The following NCAM1 variants were observed in gnomAD, a reference collection of about 807,000 sequenced individuals.
NCAM1 encodes neural cell adhesion molecule 1, also known as antigen recognized by monoclonal antibody 5.1H11.
A neutral mutation model predicts 109.8 loss-of-function variants in NCAM1; 14 were observed. The ratio of observed to expected loss-of-function variants is 0.13; its 90% CI spans 0.08 to 0.20. The LOEUF is 0.20. NCAM1 is among the 10% of genes least tolerant of loss of function. The probability of loss-of-function intolerance (pLI) is 1.00; values close to 1 mark genes in which losing one functional copy is unlikely to be tolerated. For missense variants in NCAM1, 774 were observed against 1,109.9 expected (o/e 0.70, Z 4.30); for synonymous variants, 418 against 442.9 (o/e 0.94, Z 0.70).
intron 1 of NCAM1, among the ~76,000 whole-genome samples, chr11:113,193,179 A>G (rs1327799409): frequency 2.0e-5 from 3 of 152,198 alleles, no homozygotes; most frequent in African/African-American, 7.2e-5. Context: ...CTCGTCTTCT[A>G]TGAGACTCTG....
chr11:113,020,420 C>T (rs886268204), intron 1 of NCAM1, among the ~76,000 whole-genome samples: 4 of 152,128 alleles, frequency 2.6e-5, no homozygotes, highest in Admixed American at 2.6e-4. Flanking sequence ...AGGCACCATT[C>T]GCTTCCCCAC....
chr11:113,194,520 A>G (rs184605060), intron 1 of NCAM1, among the ~76,000 whole-genome samples: 1 of 152,332 alleles, frequency 6.6e-6, no homozygotes, highest in Admixed American at 6.5e-5. Context: ...CTATGAGTGT[A>G]AAGAGCCCAA....
intron 14 of NCAM1, among the ~76,000 whole-genome samples, chr11:113,239,781 G>A (rs1451275540): frequency 6.6e-6 from 1 of 152,180 alleles, no homozygotes; most frequent in Non-Finnish European, 1.5e-5. Flanking sequence ...GATGAGTTAT[G>A]ATTCTTTGTT....
intron 1 of NCAM1, among the ~76,000 whole-genome samples, chr11:113,056,836 T>G (rs782589393): frequency 6.6e-6 from 1 of 152,194 alleles, no homozygotes; most frequent in Non-Finnish European, 1.5e-5. Context: ...GTTTTGTTTT[T>G]TTTTAAGCCA....
At chr11:113,105,367 GCATAA>G (rs1315419613) in intron 1 of NCAM1, among the ~76,000 whole-genome samples, 1 of 152,042 alleles carries the variant, frequency 6.6e-6, no homozygotes, top group Non-Finnish European at 1.5e-5. Context: ...CCTTTCATTG[GCATAA>G]CATAACATAT....
chr11:113,147,908 G>C (rs1244949694), intron 1 of NCAM1, among the ~76,000 whole-genome samples: 6 of 152,140 alleles, frequency 3.9e-5, no homozygotes, highest in African/African-American at 1.4e-4. Context: ...CACTACTCTA[G>C]GCTCCATATT....
chr11:112,972,703 A>G (rs10502161), intron 1 of NCAM1, among the ~76,000 whole-genome samples: 20,432 of 152,142 alleles, frequency 0.13, 1,413 homozygotes, highest in African/African-American at 0.14. Context: ...TTAAAAGTAT[A>G]AAGTAGGTGA....
intron 5 of NCAM1, 31 bp downstream of exon 5, chr11:113,206,211 C>T (rs1591416822): frequency 6.4e-7 from 1 of 1,572,994 alleles, no homozygotes; most frequent in Non-Finnish European, 8.6e-7. Context: ...CTGATCTCTG[C>T]ATTGCTACAA....
chr11:113,236,066 G>T (rs1945158882), intron 14 of NCAM1, among the ~76,000 whole-genome samples: 1 of 152,198 alleles, frequency 6.6e-6, no homozygotes, highest in South Asian at 2.1e-4. Flanking sequence ...TTTGAAGCCA[G>T]GGGCCTGCAA....
At position 113,275,577 on chromosome 11, in the gene NCAM1, T is replaced by C; in HGVS notation, c.*190T>C. ...CAGATAAAACATGGGAATCTCCTTT[T>C]TGTAGGTTTATAGAAAGGGTCCCTT... is the stretch of plus-strand genomic sequence containing the variant. On this transcript the variant is annotated 3_prime_UTR_variant, in exon 20 of 20. Transcript: ENST00000316851. 1 of 720,900 alleles carries C rather than the reference T, an allele frequency of 1.4e-6. No homozygotes were observed. Among genetic ancestry groups the C allele is most frequent in the Non-Finnish European group, 2.1e-6 (1 of 476,098 alleles). The allele number at this position is 720,900 out of a possible 1,614,324, so 44.7% of individuals were successfully genotyped here.
At chr11:113,068,696 A>G (rs1938103711) in intron 1 of NCAM1, among the ~76,000 whole-genome samples, 1 of 152,108 alleles carries the variant, frequency 6.6e-6, no homozygotes, top group African/African-American at 2.4e-5. Context: ...TAAACATTCT[A>G]CCAAAAGGAT....
At chr11:112,968,742 G>T (rs1950792659) in intron 1 of NCAM1, among the ~76,000 whole-genome samples, 1 of 152,214 alleles carries the variant, frequency 6.6e-6, no homozygotes, top group African/African-American at 2.4e-5. Context: ...AAGGGGGATT[G>T]GGTGGTTGGG....
chr11:113,219,275 A>G (rs199813304), intron 8 of NCAM1, among the ~76,000 whole-genome samples: 1 of 152,202 alleles, frequency 6.6e-6, no homozygotes, highest in East Asian at 1.9e-4. Flanking sequence ...CCTTTTCACG[A>G]GAAAAAAATT....
chr11:113,167,857 G>A (rs1269029717), intron 1 of NCAM1, among the ~76,000 whole-genome samples: 3 of 152,210 alleles, frequency 2.0e-5, no homozygotes, highest in East Asian at 1.9e-4. Flanking sequence ...AATAGCAAGC[G>A]AGATGGCGGT....
chr11:113,153,157 C>T (rs1232963621), intron 1 of NCAM1, among the ~76,000 whole-genome samples: 1 of 152,128 alleles, frequency 6.6e-6, no homozygotes, highest in East Asian at 1.9e-4. Context: ...ATTCTCCTGC[C>T]TCAGCCTCCT....
At chr11:113,149,596 AT>A (rs1290046290) in intron 1 of NCAM1, among the ~76,000 whole-genome samples, 1 of 152,190 alleles carries the variant, frequency 6.6e-6, no homozygotes, top group Non-Finnish European at 1.5e-5. Context: ...CACAATTTCT[AT>A]TTCCCTCTCT....
intron 1 of NCAM1, among the ~76,000 whole-genome samples, chr11:113,026,292 G>A (rs1952543549): frequency 6.6e-6 from 1 of 152,194 alleles, no homozygotes; most frequent in Non-Finnish European, 1.5e-5. Context: ...CATGTCTAGA[G>A]CCCACCTGAA....
intron 7 of NCAM1, among the ~76,000 whole-genome samples, chr11:113,208,596 C>T (rs1361978913): frequency 3.9e-5 from 6 of 152,104 alleles, no homozygotes; most frequent in South Asian, 4.2e-4. Flanking sequence ...ACCTTCTCAG[C>T]GGCGCCTTCC....
At chr11:113,132,047 C>T (rs781373896) in intron 1 of NCAM1, among the ~76,000 whole-genome samples, 1 of 152,106 alleles carries the variant, frequency 6.6e-6, no homozygotes, top group South Asian at 2.1e-4. Flanking sequence ...AGGAGAGGGA[C>T]AGAGATGGTT....
Sources: allele counts gnomAD v4.1 joint callset (sites outside exome capture counted in the v4.1 genomes callset), GRCh38; gene constraint gnomAD v4.1.1; transcripts MANE v1.5; gene names NCBI Gene and HGNC (gene_info 2026-07-23, HGNC 2026-07-21).